Variants in IQCM observed in about 807,000 individuals in gnomAD.
The protein encoded by IQCM is IQ motif containing M, also known as IQ domain-containing protein M.
Under a neutral mutation model 57.6 loss-of-function variants are expected in IQCM, and 45 were observed. The ratio of observed to expected loss-of-function variants is 0.78; its 90% confidence interval spans 0.62 to 1.00. The LOEUF is 1.00. IQCM is among the 50% of genes least tolerant of loss of function. The pLI, the probability that IQCM is intolerant of heterozygous loss-of-function variation, is 0.00. For missense variants in IQCM, 468 were observed against 511.6 expected, an observed-to-expected ratio of 0.91 and a Z score of 0.82; for synonymous variants, 148 against 158.9, an observed-to-expected ratio of 0.93 and a Z score of 0.51.
intron 2 of IQCM, among the ~76,000 whole-genome samples, chr4:149,801,413 T>C (rs1030837813): frequency 1.3e-5 from 2 of 151,864 alleles, no homozygotes; most frequent in South Asian, 2.1e-4. Flanking sequence ...AGAAAGGAGA[T>C]CCGTATATCA....
At chr4:149,727,659 A>C (rs1766069997) in intron 5 of IQCM, among the ~76,000 whole-genome samples, 1 of 152,128 alleles carries the variant, frequency 6.6e-6, no homozygotes, top group African/African-American at 2.4e-5. Context: ...GGGAGGAAAC[A>C]TTTATCCACT....
chr4:149,725,959 C>T (rs748958088), intron 5 of IQCM, among the ~76,000 whole-genome samples: 7 of 151,994 alleles, frequency 4.6e-5, no homozygotes, highest in Non-Finnish European at 8.8e-5. Flanking sequence ...CAGCAGCTCT[C>T]TCAACGAATA....
intron 12 of IQCM, among the ~76,000 whole-genome samples, chr4:149,434,776 C>A (rs1735192755): frequency 1.3e-5 from 2 of 152,074 alleles, no homozygotes; most frequent in Non-Finnish European, 2.9e-5. Flanking sequence ...TGAATGGGTT[C>A]TTTCTGGATC....
At chr4:149,574,110 A>G (rs894610604) in intron 9 of IQCM, among the ~76,000 whole-genome samples, 5 of 151,974 alleles carry the variant, frequency 3.3e-5, no homozygotes, top group Non-Finnish European at 7.4e-5. Context: ...TTCATTCTTT[A>G]TATAAGAATG....
At chr4:149,647,352 A>C (rs570092800) in intron 7 of IQCM, among the ~76,000 whole-genome samples, 7 of 149,250 alleles carry the variant, frequency 4.7e-5, no homozygotes, top group African/African-American at 1.7e-4. Flanking sequence ...TTTTTTTTTT[A>C]TTCTAAAGTA....
intron 13 of IQCM, among the ~76,000 whole-genome samples, chr4:149,421,843 T>C (rs1416784594): frequency 2.0e-5 from 3 of 152,096 alleles, no homozygotes; most frequent in African/African-American, 7.2e-5. Context: ...ACATTTAAAA[T>C]GTTCTATGCC....
chr4:149,429,195 T>A (rs1308079864), intron 13 of IQCM, among the ~76,000 whole-genome samples: 1 of 151,782 alleles, frequency 6.6e-6, no homozygotes, highest in East Asian at 1.9e-4. Context: ...GAGAAACAAG[T>A]TGAGCATATT....
intron 12 of IQCM, among the ~76,000 whole-genome samples, chr4:149,498,173 T>G (rs1023225199): frequency 6.6e-6 from 1 of 152,080 alleles, no homozygotes; most frequent in Non-Finnish European, 1.5e-5. Context: ...AAACCACTTG[T>G]TTTTCCCCTC....
intron 7 of IQCM, among the ~76,000 whole-genome samples, chr4:149,646,144 A>C (rs1758614905): frequency 6.6e-6 from 1 of 152,208 alleles, no homozygotes; most frequent in Admixed American, 6.5e-5. Flanking sequence ...TGTCAGCCTT[A>C]GGGAACCCTG....
chr4:149,768,266 T>C (rs1770243974), intron 2 of IQCM, among the ~76,000 whole-genome samples: 1 of 152,140 alleles, frequency 6.6e-6, no homozygotes, highest in Admixed American at 6.6e-5. Context: ...GGACATTGGA[T>C]TAACTGCAAT....
At chr4:149,468,963 C>T (rs1308077961) in intron 12 of IQCM, among the ~76,000 whole-genome samples, 1 of 152,084 alleles carries the variant, frequency 6.6e-6, no homozygotes, top group African/African-American at 2.4e-5. Context: ...CACACCAAAA[C>T]CCATCTGTAC....
chr4:149,491,242 A>G (rs2149775264), intron 12 of IQCM, among the ~76,000 whole-genome samples: 1 of 152,092 alleles, frequency 6.6e-6, no homozygotes, highest in East Asian at 1.9e-4. Flanking sequence ...GAATAGCTAA[A>G]TTAAGCTAAT....
intron 13 of IQCM, among the ~76,000 whole-genome samples, chr4:149,399,879 T>A (rs528596545): frequency 3.3e-5 from 5 of 152,238 alleles, no homozygotes; most frequent in African/African-American, 9.6e-5. Context: ...TTCTAATTGT[T>A]ATCCTTTTTG....
chr4:149,779,039 AG>A (rs1161778967), intron 2 of IQCM, among the ~76,000 whole-genome samples: 1 of 152,204 alleles, frequency 6.6e-6, no homozygotes, highest in Non-Finnish European at 1.5e-5. Context: ...AAACAATTAA[AG>A]GACTCATATT....
chr4:149,596,464 A>G (rs1452575029), intron 8 of IQCM, among the ~76,000 whole-genome samples: 1 of 152,124 alleles, frequency 6.6e-6, no homozygotes, highest in Non-Finnish European at 1.5e-5. Context: ...GGTTTTAATG[A>G]CCTGCATGCC....
At chr4:149,410,778 G>C (rs1288232627) in intron 13 of IQCM, among the ~76,000 whole-genome samples, 1 of 151,896 alleles carries the variant, frequency 6.6e-6, no homozygotes, top group African/African-American at 2.4e-5. Flanking sequence ...TGTGGCTTTA[G>C]GTGACTGTCT....
chr4:149,753,346 AT>A (rs1379075675), intron 2 of IQCM, among the ~76,000 whole-genome samples: 1 of 152,184 alleles, frequency 6.6e-6, no homozygotes, highest in Admixed American at 6.5e-5. Flanking sequence ...GAATATAAAA[AT>A]ATGAAACAAA....
intron 13 of IQCM, among the ~76,000 whole-genome samples, chr4:149,399,189 G>C (rs962647936): frequency 7.2e-5 from 11 of 151,956 alleles, no homozygotes; most frequent in African/African-American, 2.7e-4. Flanking sequence ...TGAGTCATAT[G>C]GTGCCTCCTT....
intron 3 of IQCM, among the ~76,000 whole-genome samples, chr4:149,739,495 A>G (rs967333055): frequency 1.3e-5 from 2 of 148,430 alleles, no homozygotes; most frequent in Admixed American, 6.7e-5. Flanking sequence ...GTCAACCCTC[A>G]TTTCTTCAGA....
Sources: gnomAD v4.1 joint callset for allele counts (sites outside exome capture counted in the v4.1 genomes callset) on GRCh38, gnomAD v4.1.1 for gene constraint, MANE v1.5 for transcripts, NCBI Gene and HGNC (gene_info 2026-07-23, HGNC 2026-07-21) for gene names.